The following MTCL2 variants were observed in gnomAD, a reference collection of about 807,000 sequenced individuals.
The protein encoded by MTCL2 is microtubule crosslinking factor 2.
chr20:36,839,382 C>T, the MTCL2 span: 6 of 1,613,354 alleles, frequency 3.7e-6, no homozygotes, highest in Middle Eastern at 3.3e-4. The surrounding 1 kb of genome is among the most constrained non-coding windows in gnomAD (Gnocchi z 5.1). Context: ...GATACACGTC[C>T]TCCTCCATAT....
chr20:36,796,830 G>A, the MTCL2 span: 1,841 of 1,579,232 alleles, frequency 1.2e-3, 20 homozygotes, highest in African/African-American at 0.022. Context: ...GGAGAGGGGC[G>A]AGGCTGTGGG....
chr20:36,837,267 C>T, the MTCL2 span, among the ~76,000 whole-genome samples: 1 of 152,188 alleles, frequency 6.6e-6, no homozygotes, highest in Non-Finnish European at 1.5e-5. Flanking sequence ...GCCTGGGGGC[C>T]CTGGAGTTCT....
At chr20:36,850,946 G>A in the MTCL2 span, among the ~76,000 whole-genome samples, 1 of 152,152 alleles carries the variant, frequency 6.6e-6, no homozygotes, top group East Asian at 1.9e-4. Context: ...CTTAGGGAAG[G>A]AAGCCAGACT....
At chr20:36,857,373 A>G in the MTCL2 span, among the ~76,000 whole-genome samples, 36 of 152,142 alleles carry the variant, frequency 2.4e-4, no homozygotes, top group South Asian at 6.2e-4. Flanking sequence ...GTGTGGCTGC[A>G]TGGGTTTGTG....
the MTCL2 span, among the ~76,000 whole-genome samples, chr20:36,836,834 T>C: frequency 2.9e-3 from 449 of 152,254 alleles, 3 homozygotes; most frequent in Non-Finnish European, 4.6e-3. Context: ...AGGACAGCAC[T>C]ACAATCCCAT....
the MTCL2 span, chr20:36,804,866 C>A: frequency 6.2e-7 from 1 of 1,613,874 alleles, no homozygotes; most frequent in Non-Finnish European, 8.5e-7. Flanking sequence ...TTCAGCGTCA[C>A]CTTCATGTCG....
the MTCL2 span, among the ~76,000 whole-genome samples, chr20:36,792,419 T>G: frequency 2.0e-5 from 3 of 151,944 alleles, no homozygotes; most frequent in African/African-American, 7.3e-5. Context: ...GAGACAGAAT[T>G]GTTTGAACCC....
the MTCL2 span, among the ~76,000 whole-genome samples, chr20:36,827,013 A>G: frequency 2.1e-5 from 3 of 145,900 alleles, no homozygotes; most frequent in Admixed American, 2.1e-4. Flanking sequence ...GCGTACAGTT[A>G]TCATCCTGCT....
the MTCL2 span, among the ~76,000 whole-genome samples, chr20:36,799,815 C>T: frequency 7.4e-4 from 112 of 152,324 alleles, no homozygotes; most frequent in African/African-American, 2.5e-3. Flanking sequence ...AAGCCCCAGA[C>T]AGGGGTGGGC....
chr20:36,786,678 C>T, the MTCL2 span: 49 of 1,517,968 alleles, frequency 3.2e-5, no homozygotes, highest in African/African-American at 5.0e-4. Flanking sequence ...TCAAGAGGAG[C>T]CAGGAGACAT....
At chr20:36,852,657 T>C in the MTCL2 span, among the ~76,000 whole-genome samples, 1 of 152,082 alleles carries the variant, frequency 6.6e-6, no homozygotes, top group Admixed American at 6.6e-5. Flanking sequence ...GGGATAGCAC[T>C]GAGTGGGAGG....
At chr20:36,838,068 G>A in the MTCL2 span, among the ~76,000 whole-genome samples, 24 of 149,116 alleles carry the variant, frequency 1.6e-4, no homozygotes, top group Admixed American at 6.7e-5. Flanking sequence ...TTTTTTTTGA[G>A]ACGGAGTCTC....
the MTCL2 span, chr20:36,785,633 A>G: frequency 2.0e-6 from 2 of 985,278 alleles, no homozygotes; most frequent in African/African-American, 3.5e-5. Flanking sequence ...GGCCTCTGAG[A>G]TCACTTGAGA....
chr20:36,798,103 T>C, the MTCL2 span, among the ~76,000 whole-genome samples: 1 of 151,832 alleles, frequency 6.6e-6, no homozygotes, highest in Non-Finnish European at 1.5e-5. Flanking sequence ...AGGGTCTTAC[T>C]CTGTTGTCCA....
the MTCL2 span, among the ~76,000 whole-genome samples, chr20:36,835,458 C>A: frequency 6.6e-6 from 1 of 152,106 alleles, no homozygotes; most frequent in East Asian, 1.9e-4. Context: ...AAATGAGGCA[C>A]CAAGCGGTAG....
At chr20:36,832,850 GA>G in the MTCL2 span, among the ~76,000 whole-genome samples, 30 of 146,402 alleles carry the variant, frequency 2.0e-4, no homozygotes, top group East Asian at 1.0e-3. Flanking sequence ...CTCAGAAAAA[GA>G]AAAAAAAAAA....
chr20:36,790,380 G>T, the MTCL2 span, among the ~76,000 whole-genome samples: 1 of 149,500 alleles, frequency 6.7e-6, no homozygotes, highest in Non-Finnish European at 1.5e-5. Context: ...CACCTCTCTC[G>T]GCCTCCCAAA....
the MTCL2 span, chr20:36,815,258 C>T: frequency 5.6e-6 from 9 of 1,613,850 alleles, no homozygotes; most frequent in African/African-American, 1.3e-5. The surrounding 1 kb of genome is among the most constrained non-coding windows in gnomAD (Gnocchi z 5.3). Flanking sequence ...CTGCCTTCCG[C>T]GTGAAGGCAT....
the MTCL2 span, among the ~76,000 whole-genome samples, chr20:36,856,826 T>A: frequency 6.6e-6 from 1 of 152,202 alleles, no homozygotes; most frequent in Non-Finnish European, 1.5e-5. Flanking sequence ...TGTGTGTGGA[T>A]GAAATGTCAC....
Sources: gnomAD v4.1 joint callset for allele counts (sites outside exome capture counted in the v4.1 genomes callset) on GRCh38, gnomAD v4.1.1 for gene constraint, Gnocchi (gnomAD v3.1) non-coding constraint, MANE v1.5 for transcripts, NCBI Gene and HGNC (gene_info 2026-07-23, HGNC 2026-07-21) for gene names.